CAMKK1: variants seen among roughly 807,000 people sequenced by gnomAD.
The protein encoded by CAMKK1 is calcium/calmodulin-dependent protein kinase kinase 1.
CAMKK1 carries 20 observed loss-of-function variants against 63.5 expected under a neutral mutation model. That is an observed-to-expected ratio of 0.32 (90% CI 0.22 to 0.46). CAMKK1 has a LOEUF of 0.46. CAMKK1 is among the 20% of genes least tolerant of loss of function. The probability of loss-of-function intolerance (pLI) is 1.00; values close to 1 mark genes in which losing one functional copy is unlikely to be tolerated. For synonymous variants in CAMKK1, 253 were observed against 269.0 expected, an observed-to-expected ratio of 0.94 and a Z score of 0.58; for missense variants, 588 against 658.1, an observed-to-expected ratio of 0.89 and a Z score of 1.17.
intron 9 of CAMKK1, 137 bp downstream of exon 9, chr17:3,880,209 A>G: frequency 4.4e-6 from 3 of 681,678 alleles, no homozygotes; most frequent in South Asian, 3.3e-5. Context: ...CCACACGTGC[A>G]TGCCCCACTC....
chr17:3,882,709 C>A lies in CAMKK1; in HGVS notation c.649-145G>T. 1.2e-6 allele frequency: 1 copy of A among 808,248 alleles called. No individual in the cohort carries two copies. The allele number at this position is 808,248 out of a possible 1,614,324, so 50.1% of individuals were successfully genotyped here. On this transcript the variant is annotated intron_variant, in intron 6 of 15. Coordinates refer to ENST00000348335, the MANE Select transcript of CAMKK1 (RefSeq NM_032294.3). This position sits in a 1 kb window ranked among gnomAD's most constrained non-coding sequence, Gnocchi z 4.3. Reference sequence around the variant, plus strand: ...GGAAGCAGGAAGTGTACAGGTGGTGCCAGACTGATGGGGCCTCAGAAGTCA... The same window carrying A: ...GGAAGCAGGAAGTGTACAGGTGGTGACAGACTGATGGGGCCTCAGAAGTCA...
rs2055543076 is a variant in CAMKK1 at position 3,884,222 on chromosome 17, CT to C, written c.408+157del. Among the ~76,000 whole-genome samples, 2 of 152,156 alleles carry C rather than the reference CT, an allele frequency of 1.3e-5. No individual in the cohort carries two copies. Among genetic ancestry groups the C allele is most frequent in the Admixed American group, 6.5e-5 (1 of 15,272 alleles). The stretch of plus-strand genomic sequence containing the variant: ...TCAGGAGCCATCTTCCACCCTCCCC[CT>C]GGGTACCTGGGTACTTCCCACAGGG... On this transcript the variant is annotated intron_variant, in intron 3 of 15. Transcript: ENST00000348335. The surrounding 1 kb of genome is among the most constrained non-coding windows in gnomAD (Gnocchi z 4.5).
chr17:3,866,609 G>C (rs1024137354), intron 14 of CAMKK1, among the ~76,000 whole-genome samples: 4 of 152,214 alleles, frequency 2.6e-5, no homozygotes, highest in Middle Eastern at 3.2e-3. Context: ...TCACTCCCTC[G>C]CTTGTGTCCA....
intron 8 of CAMKK1, 56 bp from the exon 9 acceptor site, chr17:3,880,490 T>TGGC: frequency 6.9e-7 from 1 of 1,440,238 alleles, no homozygotes; most frequent in Non-Finnish European, 9.7e-7. Flanking sequence ...ACCCGGCCAT[T>TGGC]CAGGTGGTCG....
chr17:3,883,607 A>T lies in CAMKK1; in HGVS notation c.463-127T>A, dbSNP rs2055511777. On this transcript the variant is annotated intron_variant, in intron 4 of 15. Coordinates refer to ENST00000348335, the MANE Select transcript of CAMKK1 (RefSeq NM_032294.3). The surrounding 1 kb of genome is among the most constrained non-coding windows in gnomAD (Gnocchi z 4.7). Reference sequence around the variant, plus strand: ...GCTACTGGCCCTGAGGGTGTGGCCCAGGTAAGTGTTAAGCGGGGTTGGGGG... The same window carrying T: ...GCTACTGGCCCTGAGGGTGTGGCCCTGGTAAGTGTTAAGCGGGGTTGGGGG... The T allele has an allele frequency of 1.1e-6, 1 of 878,114 alleles. No homozygotes were observed. Among genetic ancestry groups the T allele is most frequent in the Non-Finnish European group, 1.9e-6 (1 of 518,302 alleles). The allele number at this position is 878,114 out of a possible 1,614,324, so 54.4% of individuals were successfully genotyped here.
Position 3,880,122 on chromosome 17 carries a change from A to T in CAMKK1, c.796+224T>A, listed in dbSNP as rs945470976. The T allele has an allele frequency of 5.4e-5, 31 of 572,668 alleles. No homozygotes were observed. In the African/African-American group the frequency reaches 5.8e-4, roughly 11 times the overall value. The allele number at this position is 572,668 out of a possible 1,614,324, so 35.5% of individuals were successfully genotyped here. On this transcript the variant is annotated intron_variant, in intron 9 of 15. Transcript: ENST00000348335. ...AGCCAGGACTCAGACCCACAGGACC[A>T]GACACGACGAAGGATCTGGCACATG...
intron 9 of CAMKK1, among the ~76,000 whole-genome samples, chr17:3,878,397 T>C (rs564560008): frequency 4.6e-5 from 7 of 152,350 alleles, no homozygotes; most frequent in African/African-American, 1.7e-4. Flanking sequence ...CCAGGTAAGA[T>C]AAACTCGTTT....
In CAMKK1 at chr17:3,870,654, C is replaced by T. The variant is rs1300992843; in HGVS notation, c.1125-766G>A. The stretch of plus-strand genomic sequence containing the variant: ...TGCTGGGATTACAGGCGTGAGCCAC[C>T]ACGCCCGGCCAAACCCCAGGTTTCT... On this transcript the variant is annotated intron_variant, in intron 12 of 15. Transcript: ENST00000348335. 5.3e-5 allele frequency among the ~76,000 whole-genome samples: 8 copies of T among 152,208 alleles called. No homozygotes were observed. The East Asian group carries it at 5.8e-4, about 11-fold the overall frequency.
chr17:3,888,386 G>A (rs1164422596), intron 1 of CAMKK1, among the ~76,000 whole-genome samples: 1 of 152,246 alleles, frequency 6.6e-6, no homozygotes, highest in Non-Finnish European at 1.5e-5. Context: ...GTTCCAGCCT[G>A]AGCCCTGTTA....
At position 3,872,604 on chromosome 17, in the gene CAMKK1, G is replaced by T; in HGVS notation, c.1074C>A (p.Ile358=). 1 of 1,613,996 alleles carries T rather than the reference G, an allele frequency of 6.2e-7. No homozygotes were observed. The highest frequency in any genetic ancestry group is 2.2e-5 in the East Asian group (1 of 44,870). ...TCTTGATCTTCCTGTGGAGGGCCAG[G>T]ATGAAATCGTCGATGAATGGGCACT... ...YGKCPFIDDF[I]LALHRKIKNE... is the part of the protein sequence containing the mutation. Residue 358 remains isoleucine, a synonymous_variant, in exon 12 of 16, where the codon ATC becomes ATA. Transcript: ENST00000348335.
rs1415277492 is a variant in CAMKK1, at chr17:3,892,996, C to A, written c.-101G>T. 2 of 149,244 alleles carry A rather than the reference C, an allele frequency of 1.3e-5. No homozygotes were observed. Among genetic ancestry groups the A allele is most frequent in the African/African-American group, 2.4e-5 (1 of 40,978 alleles). The allele number at this position is 149,244 out of a possible 1,614,324, so 9.2% of individuals were successfully genotyped here. A position where few individuals can be genotyped will look rare whatever the true frequency, so the allele number is the denominator to read the frequency against. On this transcript the variant is annotated 5_prime_UTR_variant, in exon 1 of 16. Coordinates refer to ENST00000348335, the MANE Select transcript of CAMKK1 (RefSeq NM_032294.3). The surrounding 1 kb of genome is among the most constrained non-coding windows in gnomAD (Gnocchi z 7.5). ...CGGGCGGCCCCACTCGCTCCTGCTG[C>A]GCGCCCCGCCCCGCCCCGCCCCGCC...
At chr17:3,873,589 A>G in intron 10 of CAMKK1, 127 bp from the exon 11 acceptor site, 1 of 873,430 alleles carries the variant, frequency 1.1e-6, no homozygotes, top group East Asian at 2.5e-5. Context: ...CTCGACAAAC[A>G]CTCCGCGGTA....
chr17:3,884,562 G>A lies in CAMKK1; in HGVS notation c.361-135C>T. ...CCCCCAGGTCTCACCAAGCTTTTGA[G>A]TTTGGATGGGGAAGTTGGTGGTGCC... On this transcript the variant is annotated intron_variant, in intron 2 of 15. Transcript: ENST00000348335. This position sits in a 1 kb window ranked among gnomAD's most constrained non-coding sequence, Gnocchi z 4.5. The A allele has an allele frequency of 2.7e-6, 2 of 734,848 alleles. No homozygotes were observed. Among genetic ancestry groups the A allele is most frequent in the Non-Finnish European group, 2.2e-6 (1 of 459,628 alleles). The allele number at this position is 734,848 out of a possible 1,614,324, so 45.5% of individuals were successfully genotyped here. A position where few individuals can be genotyped will look rare whatever the true frequency, so the allele number is the denominator to read the frequency against.
chr17:3,889,375 C>T lies in CAMKK1; in HGVS notation c.-44+3564G>A, dbSNP rs191298295. Reference sequence around the variant, plus strand: ...CGAAGGATTCCTGTGGGCATGGGCACTGGCTTAGTCCTGCGGCCGTGAACA... The same window carrying T: ...CGAAGGATTCCTGTGGGCATGGGCATTGGCTTAGTCCTGCGGCCGTGAACA... On this transcript the variant is annotated intron_variant, in intron 1 of 15. Transcript: ENST00000348335. This position sits in a 1 kb window ranked among gnomAD's most constrained non-coding sequence, Gnocchi z 5.2. 3.2e-4 allele frequency among the ~76,000 whole-genome samples: 48 copies of T among 152,280 alleles called. No individual in the cohort carries two copies. Among genetic ancestry groups the T allele is most frequent in the Non-Finnish European group, 5.7e-4 (39 of 68,004 alleles).
At chr17:3,867,619 C>A (rs1367370329) in intron 14 of CAMKK1, among the ~76,000 whole-genome samples, 3 of 152,040 alleles carry the variant, frequency 2.0e-5, no homozygotes, top group Non-Finnish European at 2.9e-5. Flanking sequence ...ATGGGGACCC[C>A]GTGGGAGTTG....
chr17:3,872,667 G>T, intron 11 of CAMKK1, 40 bp from the exon 12 acceptor site: 1 of 1,566,042 alleles, frequency 6.4e-7, no homozygotes, highest in Non-Finnish European at 8.8e-7. Context: ...TGGGTCCAGG[G>T]CCTCGACCTG....
At position 3,882,595 on chromosome 17, in the gene CAMKK1, G is replaced by A. The variant is rs2055459826; in HGVS notation, c.649-31C>T. 2 of 1,579,722 alleles carry A rather than the reference G, an allele frequency of 1.3e-6. No individual in the cohort carries two copies. Among genetic ancestry groups the A allele is most frequent in the Non-Finnish European group, 8.6e-7 (1 of 1,162,602 alleles). On this transcript the variant is annotated intron_variant, in intron 6 of 15. Transcript: ENST00000348335. This position sits in a 1 kb window ranked among gnomAD's most constrained non-coding sequence, Gnocchi z 4.3. ...CAGAGGGAGCAGACATGGGGGTGGG[G>A]CTTGAGGAGGCGTGGGGTTGGAGGT...
chr17:3,874,864 G>A (rs992158627), intron 10 of CAMKK1, among the ~76,000 whole-genome samples: 4 of 150,916 alleles, frequency 2.7e-5, no homozygotes, highest in African/African-American at 9.7e-5. Context: ...GCTCACACCT[G>A]TAATCCCAGC....
Position 3,869,591 on chromosome 17 carries a change from C to G in CAMKK1, c.1237G>C (p.Gly413Arg). 1 of 1,614,218 alleles carries G rather than the reference C, an allele frequency of 6.2e-7. No individual in the cohort carries two copies. The highest frequency in any genetic ancestry group is 2.2e-5 in the East Asian group (1 of 44,876). Reference sequence around the variant, plus strand: ...TCCTCCGAAGGAAGGGGCTCCTCCCCGTTCTTGGTCACCCAAGGGTGCAAC... The same window carrying G: ...TCCTCCGAAGGAAGGGGCTCCTCCCGGTTCTTGGTCACCCAAGGGTGCAAC... ...IKLHPWVTKN[G>R]EEPLPSEEEH... Residue 413 changes from glycine (G) to arginine (R), a missense_variant, in exon 14 of 16, where the codon GGG becomes CGG. By Grantham distance (125) the Gly-to-Arg change is moderately radical. Transcript: ENST00000348335.
Sources: gnomAD v4.1 joint callset for allele counts (sites outside exome capture counted in the v4.1 genomes callset) on GRCh38, gnomAD v4.1.1 for gene constraint, Gnocchi (gnomAD v3.1) non-coding constraint, MANE v1.5 for transcripts, NCBI Gene and HGNC (gene_info 2026-07-23, HGNC 2026-07-21) for gene names.